RBFOX1: variants seen among roughly 807,000 people sequenced by gnomAD.
The protein encoded by RBFOX1 is RNA binding fox-1 homolog 1, also known as RNA binding protein fox-1 homolog 1.
A neutral mutation model predicts 57.7 loss-of-function variants in RBFOX1; 8 were observed. The observed-to-expected ratio is 0.14, with a 90% CI of 0.08 to 0.25. RBFOX1 has a LOEUF of 0.25. Among genes scored for constraint, RBFOX1 ranks in the 10% least tolerant of loss-of-function variants. The probability of loss-of-function intolerance (pLI) is 1.00; values close to 1 mark genes in which losing one functional copy is unlikely to be tolerated. For synonymous variants in RBFOX1, 326 were observed against 222.4 expected, an observed-to-expected ratio of 1.47 and a Z score of -4.15; for missense variants, 611 against 548.5, an observed-to-expected ratio of 1.11 and a Z score of -1.14.
At chr16:6,984,707 C>G (rs1160053538) in intron 3 of RBFOX1, among the ~76,000 whole-genome samples, 2 of 152,094 alleles carry the variant, frequency 1.3e-5, no homozygotes, top group Non-Finnish European at 2.9e-5. Flanking sequence ...GTGGTGTGAT[C>G]TCTTCTCACT....
intron 1 of RBFOX1, among the ~76,000 whole-genome samples, chr16:5,409,494 C>T (rs373188415): frequency 9.8e-5 from 15 of 152,342 alleles, no homozygotes; most frequent in African/African-American, 3.1e-4. Flanking sequence ...ATCATTGATT[C>T]TTATACTCCT....
chr16:7,109,200 C>G (rs1382951368), intron 4 of RBFOX1, among the ~76,000 whole-genome samples: 1 of 152,064 alleles, frequency 6.6e-6, no homozygotes, highest in South Asian at 2.1e-4. Flanking sequence ...ATAGATAAAA[C>G]AAGTATAAAG....
intron 6 of RBFOX1, 121 bp downstream of exon 6, chr16:7,580,041 T>G: frequency 9.2e-7 from 1 of 1,089,704 alleles, no homozygotes; most frequent in Non-Finnish European, 1.3e-6. Context: ...GAGAAACAAT[T>G]TAGAGCCTAG....
chr16:6,244,684 A>G (rs769366066), intron 1 of RBFOX1, among the ~76,000 whole-genome samples: 2 of 151,970 alleles, frequency 1.3e-5, no homozygotes, highest in African/African-American at 4.8e-5. Flanking sequence ...TAATTATTGT[A>G]TTTTTAGTAG....
chr16:6,087,424 T>C (rs2096103645), intron 1 of RBFOX1, among the ~76,000 whole-genome samples: 1 of 152,164 alleles, frequency 6.6e-6, no homozygotes, highest in Non-Finnish European at 1.5e-5. Context: ...TCAACTGTGA[T>C]TCCAATATCC....
intron 3 of RBFOX1, among the ~76,000 whole-genome samples, chr16:6,871,887 G>C (rs1352712241): frequency 6.7e-6 from 1 of 149,940 alleles, no homozygotes; most frequent in Non-Finnish European, 1.5e-5. Context: ...TCACAATCCA[G>C]GCTCTTTGAG....
intron 3 of RBFOX1, among the ~76,000 whole-genome samples, chr16:5,741,862 A>C (rs185779942): frequency 6.6e-6 from 1 of 152,306 alleles, no homozygotes; most frequent in African/African-American, 2.4e-5. Flanking sequence ...CTTAATGCCT[A>C]CCTTAATACC....
intron 4 of RBFOX1, among the ~76,000 whole-genome samples, chr16:7,249,683 T>C (rs147338056): frequency 6.6e-6 from 1 of 152,208 alleles, no homozygotes; most frequent in East Asian, 1.9e-4. Flanking sequence ...TTTTTATGTA[T>C]TTTTTATTTT....
intron 2 of RBFOX1, among the ~76,000 whole-genome samples, chr16:5,552,279 C>T (rs1049321042): frequency 2.0e-5 from 3 of 152,168 alleles, no homozygotes; most frequent in African/African-American, 7.2e-5. Flanking sequence ...CCTCCTTAAG[C>T]ATTCCGTCAT....
intron 1 of RBFOX1, among the ~76,000 whole-genome samples, chr16:6,145,257 G>C (rs910300148): frequency 7.9e-5 from 12 of 151,976 alleles, no homozygotes; most frequent in Non-Finnish European, 1.5e-4. Flanking sequence ...TCATCATTTA[G>C]CTCCCACTTA....
At chr16:6,228,594 A>G (rs569963888) in intron 1 of RBFOX1, among the ~76,000 whole-genome samples, 60 of 152,334 alleles carry the variant, frequency 3.9e-4, no homozygotes, top group African/African-American at 1.4e-3. Flanking sequence ...TCTAACTTAT[A>G]TATGGAATCT....
At chr16:5,635,331 C>A (rs189534022) in intron 3 of RBFOX1, among the ~76,000 whole-genome samples, 2 of 152,294 alleles carry the variant, frequency 1.3e-5, no homozygotes, top group African/African-American at 2.4e-5. Flanking sequence ...AGGGAATATG[C>A]AGCCTCCTAG....
chr16:5,846,071 A>G (rs2056748687), intron 3 of RBFOX1, among the ~76,000 whole-genome samples: 1 of 151,926 alleles, frequency 6.6e-6, no homozygotes, highest in Non-Finnish European at 1.5e-5. Context: ...AATCCTAACT[A>G]CTTGGGAGGC....
chr16:7,580,362 C>A (rs1339022497), intron 6 of RBFOX1, among the ~76,000 whole-genome samples: 2 of 152,142 alleles, frequency 1.3e-5, no homozygotes, highest in Non-Finnish European at 2.9e-5. Flanking sequence ...CTTTCCCAGG[C>A]ACTGTGCATT....
chr16:5,585,749 CTG>C (rs1567261588), intron 2 of RBFOX1, among the ~76,000 whole-genome samples: 1 of 152,226 alleles, frequency 6.6e-6, no homozygotes, highest in Non-Finnish European at 1.5e-5. Context: ...TACCATCTAA[CTG>C]TATGTGGCCA....
At chr16:7,255,657 C>A (rs779655746) in intron 4 of RBFOX1, among the ~76,000 whole-genome samples, 1 of 151,984 alleles carries the variant, frequency 6.6e-6, no homozygotes, top group Non-Finnish European at 1.5e-5. Context: ...ATGCAAGTCA[C>A]ATATGCAAAG....
At chr16:5,913,859 C>G (rs573845798) in intron 4 of RBFOX1, among the ~76,000 whole-genome samples, 1 of 152,216 alleles carries the variant, frequency 6.6e-6, no homozygotes, top group African/African-American at 2.4e-5. Flanking sequence ...AGACACCATG[C>G]TGAGCACTTT....
intron 4 of RBFOX1, among the ~76,000 whole-genome samples, chr16:5,921,333 C>G (rs144402807): frequency 6.6e-6 from 1 of 152,108 alleles, no homozygotes; most frequent in East Asian, 1.9e-4. Context: ...ACATCCTGTC[C>G]CCTTGGAGGG....
intron 1 of RBFOX1, among the ~76,000 whole-genome samples, chr16:5,377,916 T>C (rs1049259782): frequency 6.6e-6 from 1 of 151,712 alleles, no homozygotes; most frequent in African/African-American, 2.4e-5. Context: ...TTTGAAACCG[T>C]TTCTTACTTC....
Sources: gnomAD v4.1 joint callset for allele counts (sites outside exome capture counted in the v4.1 genomes callset) on GRCh38, gnomAD v4.1.1 for gene constraint, MANE v1.5 for transcripts, NCBI Gene and HGNC (gene_info 2026-07-23, HGNC 2026-07-21) for gene names.